The following TRIQK variants were observed in gnomAD, a reference collection of about 807,000 sequenced individuals.
TRIQK encodes triple QxxK/R motif-containing protein.
A neutral mutation model predicts 10.8 loss-of-function variants in TRIQK; 10 were observed. The ratio of observed to expected loss-of-function variants is 0.92; its 90% CI spans 0.57 to 1.57. TRIQK has a LOEUF of 1.57. Ranked by LOEUF, TRIQK falls within the 40% of genes most tolerant of loss-of-function variation. TRIQK has a pLI of 0.00. For synonymous variants in TRIQK, 33 were observed against 33.7 expected (o/e 0.98, Z 0.07); for missense variants, 107 against 97.7 (o/e 1.09, Z -0.40).
intron 1 of TRIQK, among the ~76,000 whole-genome samples, chr8:92,986,091 G>A (rs185372335): frequency 6.6e-6 from 1 of 152,256 alleles, no homozygotes; most frequent in East Asian, 1.9e-4. Context: ...CCAGTTGAGT[G>A]ATTTGAATGT....
intron 1 of TRIQK, among the ~76,000 whole-genome samples, chr8:93,009,808 T>C (rs1813313807): frequency 6.6e-6 from 1 of 152,104 alleles, no homozygotes; most frequent in Non-Finnish European, 1.5e-5. Flanking sequence ...AAAATCAGCA[T>C]GTCAAATAGA....
chr8:92,993,409 A>T (rs1813117804), intron 1 of TRIQK, among the ~76,000 whole-genome samples: 1 of 152,314 alleles, frequency 6.6e-6, no homozygotes, highest in African/African-American at 2.4e-5. Context: ...ACAAGGGTGC[A>T]TCTTCACTGC....
intron 3 of TRIQK, among the ~76,000 whole-genome samples, chr8:92,895,426 T>C (rs1305737356): frequency 1.3e-5 from 2 of 152,078 alleles, no homozygotes; most frequent in Non-Finnish European, 2.9e-5. Flanking sequence ...AGGGGCTGGA[T>C]GAATTTGAAA....
At chr8:92,928,460 C>T (rs745991406) in intron 2 of TRIQK, among the ~76,000 whole-genome samples, 24 of 152,138 alleles carry the variant, frequency 1.6e-4, no homozygotes, top group Non-Finnish European at 2.8e-4. Flanking sequence ...TCCATAATCA[C>T]CATTAGAGTT....
At chr8:92,899,973 AT>A (rs1808835289) in intron 3 of TRIQK, among the ~76,000 whole-genome samples, 1 of 152,018 alleles carries the variant, frequency 6.6e-6, no homozygotes, top group African/African-American at 2.4e-5. Flanking sequence ...ATTTCATTGT[AT>A]TTTTGATTTT....
At chr8:92,908,312 C>A (rs985203717) in intron 3 of TRIQK, among the ~76,000 whole-genome samples, 1 of 152,176 alleles carries the variant, frequency 6.6e-6, no homozygotes, top group Non-Finnish European at 1.5e-5. Context: ...TGTGGCAGTA[C>A]TGCTCTTCCT....
intron 1 of TRIQK, among the ~76,000 whole-genome samples, chr8:92,982,394 A>G (rs1215260351): frequency 6.6e-6 from 1 of 152,022 alleles, no homozygotes; most frequent in Non-Finnish European, 1.5e-5. Flanking sequence ...ATGGAATATT[A>G]AAATATAACT....
chr8:92,915,593 G>A (rs1217071116), intron 3 of TRIQK, among the ~76,000 whole-genome samples: 2 of 151,040 alleles, frequency 1.3e-5, no homozygotes, highest in South Asian at 4.2e-4. Context: ...CCGGGTTCAC[G>A]CCATTCTCCT....
intron 1 of TRIQK, among the ~76,000 whole-genome samples, chr8:93,011,110 A>T (rs1813327384): frequency 6.6e-6 from 1 of 151,570 alleles, no homozygotes; most frequent in South Asian, 2.1e-4. Context: ...ACCGTATAGG[A>T]TTCTGAGTGT....
chr8:92,945,781 T>C (rs187401758), intron 2 of TRIQK, among the ~76,000 whole-genome samples: 27 of 152,278 alleles, frequency 1.8e-4, no homozygotes, highest in African/African-American at 5.5e-4. Flanking sequence ...AAATTTAGGA[T>C]ATAAAATACA....
At chr8:93,007,403 G>C (rs1276266982) in intron 1 of TRIQK, among the ~76,000 whole-genome samples, 1 of 152,202 alleles carries the variant, frequency 6.6e-6, no homozygotes, top group Non-Finnish European at 1.5e-5. Context: ...ATCAAAGCTA[G>C]ATAAACTAAC....
chr8:92,946,648 T>G (rs1270243854), intron 2 of TRIQK, among the ~76,000 whole-genome samples: 1 of 152,138 alleles, frequency 6.6e-6, no homozygotes, highest in African/African-American at 2.4e-5. Context: ...TTTTAAGTGT[T>G]GTTTTCTAAT....
intron 2 of TRIQK, among the ~76,000 whole-genome samples, chr8:92,938,262 T>A (rs546888414): frequency 3.3e-5 from 5 of 152,126 alleles, no homozygotes; most frequent in African/African-American, 1.2e-4. Context: ...TTTTAAAATT[T>A]TTAATTGAGA....
intron 1 of TRIQK, among the ~76,000 whole-genome samples, chr8:92,990,393 G>C (rs1362948423): frequency 1.3e-5 from 2 of 151,548 alleles, no homozygotes; most frequent in African/African-American, 4.9e-5. Context: ...TATTTTTTTG[G>C]TTACACTTGC....
At chr8:92,939,068 A>G (rs1811141033) in intron 2 of TRIQK, among the ~76,000 whole-genome samples, 1 of 152,172 alleles carries the variant, frequency 6.6e-6, no homozygotes, top group Non-Finnish European at 1.5e-5. Flanking sequence ...CAATTGTTAC[A>G]TTGTTTAATG....
At chr8:92,959,371 G>A (rs1812331698) in intron 1 of TRIQK, among the ~76,000 whole-genome samples, 1 of 151,798 alleles carries the variant, frequency 6.6e-6, no homozygotes, top group African/African-American at 2.4e-5. Flanking sequence ...AATTAATTGT[G>A]TAGTATTATC....
At chr8:92,954,989 C>T (rs1812098761) in intron 1 of TRIQK, among the ~76,000 whole-genome samples, 1 of 151,754 alleles carries the variant, frequency 6.6e-6, no homozygotes, top group Non-Finnish European at 1.5e-5. Context: ...TTTATTCAGT[C>T]GTAAATGTTT....
chr8:93,013,812 C>T (rs992186115), intron 1 of TRIQK, among the ~76,000 whole-genome samples: 1 of 151,972 alleles, frequency 6.6e-6, no homozygotes, highest in African/African-American at 2.4e-5. Flanking sequence ...AATAAACAAC[C>T]CACAATAAGT....
intron 2 of TRIQK, among the ~76,000 whole-genome samples, chr8:92,924,767 A>G (rs1008707894): frequency 9.9e-5 from 15 of 151,898 alleles, no homozygotes; most frequent in African/African-American, 3.4e-4. Context: ...AATTATTTCA[A>G]TTAATTATAT....
Sources: allele counts gnomAD v4.1 joint callset (sites outside exome capture counted in the v4.1 genomes callset), GRCh38; gene constraint gnomAD v4.1.1; transcripts MANE v1.5; gene names NCBI Gene and HGNC (gene_info 2026-07-23, HGNC 2026-07-21).